SOCS2: variants seen among roughly 807,000 people sequenced by gnomAD.
SOCS2 encodes the protein CIS-2.
SOCS2 carries 10 observed loss-of-function variants against 18.6 expected under a neutral mutation model. The observed-to-expected ratio is 0.54, with a 90% CI of 0.33 to 0.91. The LOEUF (loss-of-function observed/expected upper bound fraction) is 0.91, where lower values mean the gene tolerates loss of function less well. Among genes scored for constraint, SOCS2 ranks in the 40% least tolerant of loss-of-function variants. The probability of loss-of-function intolerance (pLI) is 0.02; values close to 1 mark genes in which losing one functional copy is unlikely to be tolerated. For missense variants in SOCS2, 231 were observed against 247.2 expected, an observed-to-expected ratio of 0.93 and a Z score of 0.44; for synonymous variants, 104 against 104.0, an observed-to-expected ratio of 1.00 and a Z score of 0.00.
the SOCS2 span, among the ~76,000 whole-genome samples, chr12:93,617,025 A>G: frequency 6.6e-6 from 1 of 152,192 alleles, no homozygotes; most frequent in Non-Finnish European, 1.5e-5. Context: ...AACAAACATT[A>G]TGCAAACCCA....
the SOCS2 span, among the ~76,000 whole-genome samples, chr12:93,613,470 T>A: frequency 6.6e-6 from 1 of 152,104 alleles, no homozygotes; most frequent in Non-Finnish European, 1.5e-5. Context: ...GCTAGAAGAC[T>A]TGAGTTTGAG....
upstream of SOCS2, chr12:93,571,818 CTCCCACCT>C: frequency 2.5e-6 from 1 of 402,528 alleles, no homozygotes; most frequent in Non-Finnish European, 5.0e-6. Flanking sequence ...TCCCGGGCCC[CTCCCACCT>C]CCCCTTTTCC....
chr12:93,621,087 C>G, the SOCS2 span, among the ~76,000 whole-genome samples: 1 of 152,122 alleles, frequency 6.6e-6, no homozygotes, highest in Non-Finnish European at 1.5e-5. Context: ...CTTTGGCGAC[C>G]AAGAGCTGAG....
the SOCS2 span, among the ~76,000 whole-genome samples, chr12:93,603,944 G>T: frequency 1.3e-5 from 2 of 152,108 alleles, no homozygotes; most frequent in Non-Finnish European, 2.9e-5. Context: ...GAAGATTTCC[G>T]ACTTAAATCT....
chr12:93,616,203 G>A, the SOCS2 span, among the ~76,000 whole-genome samples: 1 of 152,214 alleles, frequency 6.6e-6, no homozygotes, highest in African/African-American at 2.4e-5. Flanking sequence ...AGTGAGACAT[G>A]ATTTCAGGAC....
chr12:93,607,012 G>A, the SOCS2 span, among the ~76,000 whole-genome samples: 1 of 152,170 alleles, frequency 6.6e-6, no homozygotes, highest in African/African-American at 2.4e-5. Context: ...GTACATTTGG[G>A]TGTTGCCTAA....
chr12:93,608,313 T>C, the SOCS2 span, among the ~76,000 whole-genome samples: 1 of 152,168 alleles, frequency 6.6e-6, no homozygotes, highest in Admixed American at 6.5e-5. Flanking sequence ...GTTAAGCTTT[T>C]ATTAATTTTT....
At chr12:93,598,253 AG>A in the SOCS2 span, among the ~76,000 whole-genome samples, 1 of 152,170 alleles carries the variant, frequency 6.6e-6, no homozygotes, top group African/African-American at 2.4e-5. Context: ...GGTTTGTACA[AG>A]GAAGGGCAAC....
At chr12:93,585,862 T>G (rs1316971917), downstream of SOCS2, among the ~76,000 whole-genome samples, 2 of 152,144 alleles carry the variant, frequency 1.3e-5, no homozygotes, top group East Asian at 3.9e-4. Flanking sequence ...CTGAAGATGC[T>G]TAAATCTCTT....
At chr12:93,614,483 C>CTTT in the SOCS2 span, among the ~76,000 whole-genome samples, 127 of 22,976 alleles carry the variant, frequency 5.5e-3, 17 homozygotes, top group African/African-American at 0.025. Context: ...TCCTTCCTTT[C>CTTT]CTTCCTTCCT....
chr12:93,614,429 C>CCTTTCCCTT, the SOCS2 span, among the ~76,000 whole-genome samples: 1 of 41,482 alleles, frequency 2.4e-5, no homozygotes, highest in Non-Finnish European at 4.2e-5. Flanking sequence ...TCCTTTCTTT[C>CCTTTCCCTT]CCTTCCTTCC....
downstream of SOCS2, among the ~76,000 whole-genome samples, chr12:93,586,238 G>A (rs945074849): frequency 6.6e-6 from 1 of 152,044 alleles, no homozygotes; most frequent in Non-Finnish European, 1.5e-5. Context: ...AATTAAATCT[G>A]TCTTTTCTCC....
At chr12:93,588,827 G>T in the SOCS2 span, among the ~76,000 whole-genome samples, 7 of 151,846 alleles carry the variant, frequency 4.6e-5, no homozygotes, top group South Asian at 1.0e-3. Context: ...TTGCCATGTT[G>T]GCCAGGCTGG....
the SOCS2 span, among the ~76,000 whole-genome samples, chr12:93,608,721 T>C: frequency 6.6e-6 from 1 of 152,320 alleles, no homozygotes; most frequent in African/African-American, 2.4e-5. Context: ...CTATGCCTTC[T>C]ACCTTCTAAA....
At chr12:93,593,207 A>G in the SOCS2 span, among the ~76,000 whole-genome samples, 6 of 152,140 alleles carry the variant, frequency 3.9e-5, no homozygotes, top group Admixed American at 2.0e-4. Flanking sequence ...GCTTTGCCTA[A>G]GATTATTATC....
chr12:93,604,930 A>G, the SOCS2 span, among the ~76,000 whole-genome samples: 6,001 of 150,702 alleles, frequency 0.04, 391 homozygotes, highest in African/African-American at 0.14. Context: ...GCAAAGTGCT[A>G]GGATTACAGG....
chr12:93,610,603 A>G, the SOCS2 span, among the ~76,000 whole-genome samples: 578 of 152,320 alleles, frequency 3.8e-3, 4 homozygotes, highest in African/African-American at 0.013. Flanking sequence ...TGATTGAGTC[A>G]TGGGCACTCC....
At chr12:93,586,527 G>A (rs760932943), downstream of SOCS2, among the ~76,000 whole-genome samples, 9 of 152,182 alleles carry the variant, frequency 5.9e-5, no homozygotes, top group Non-Finnish European at 1.2e-4. Flanking sequence ...CTCTTTCTAG[G>A]ATGAGGCCTT....
At chr12:93,621,251 T>G in the SOCS2 span, among the ~76,000 whole-genome samples, 3 of 152,228 alleles carry the variant, frequency 2.0e-5, no homozygotes, top group South Asian at 6.2e-4. Flanking sequence ...CAAACTGTCT[T>G]TCTTTAGCAT....
Sources: gnomAD v4.1 joint callset for allele counts (sites outside exome capture counted in the v4.1 genomes callset) on GRCh38, gnomAD v4.1.1 for gene constraint, MANE v1.5 for transcripts, NCBI Gene and HGNC (gene_info 2026-07-23, HGNC 2026-07-21) for gene names.